Variants in SNX29 observed in about 807,000 individuals in gnomAD.
The protein encoded by SNX29 is sorting nexin-29.
A neutral mutation model predicts 102.1 loss-of-function variants in SNX29; 78 were observed. The ratio of observed to expected loss-of-function variants is 0.76; its 90% CI spans 0.64 to 0.92. SNX29 has a LOEUF of 0.92. Among genes scored for constraint, SNX29 ranks in the 40% least tolerant of loss-of-function variants. The pLI, the probability that SNX29 is intolerant of heterozygous loss-of-function variation, is 0.00. For missense variants in SNX29, 1,280 were observed against 1,061.7 expected (o/e 1.21, Z -2.86); for synonymous variants, 580 against 414.5 (o/e 1.40, Z -4.85).
At chr16:12,327,393 A>G (rs574983533) in intron 15 of SNX29, among the ~76,000 whole-genome samples, 2 of 151,892 alleles carry the variant, frequency 1.3e-5, no homozygotes, top group South Asian at 4.2e-4. Flanking sequence ...GTATCTTCTC[A>G]CCTTCCGGAG....
intron 11 of SNX29, among the ~76,000 whole-genome samples, chr16:12,083,026 G>A (rs1420087850): frequency 3.9e-5 from 6 of 151,986 alleles, no homozygotes; most frequent in African/African-American, 7.3e-5. Flanking sequence ...TTTCTCGGCC[G>A]GGCACGGTGG....
At chr16:12,309,480 AT>A (rs2080459883) in intron 15 of SNX29, among the ~76,000 whole-genome samples, 1 of 151,338 alleles carries the variant, frequency 6.6e-6, no homozygotes, top group South Asian at 2.1e-4. Flanking sequence ...CCTCTGTCTC[AT>A]TTTTCTTGGT....
In SNX29 at chr16:12,571,732, AG is replaced by A. The variant is rs1479324545; in HGVS notation, c.*3104del. 9 of 1,043,324 alleles carry A rather than the reference AG, an allele frequency of 8.6e-6. No homozygotes were observed. Among genetic ancestry groups the A allele is most frequent in the Non-Finnish European group, 8.1e-6 (7 of 860,520 alleles). The allele number at this position is 1,043,324 out of a possible 1,614,324, so 64.6% of individuals were successfully genotyped here. ...TAAGGGAGGGAGCTTAAAGGCTGCT[AG>A]AAACCTAGCCCAACCATCCACTCCT... On this transcript the variant is annotated 3_prime_UTR_variant, in exon 21 of 21. Transcript: ENST00000566228.
At chr16:12,153,031 C>G (rs915933841) in intron 13 of SNX29, among the ~76,000 whole-genome samples, 2 of 152,212 alleles carry the variant, frequency 1.3e-5, no homozygotes, top group East Asian at 1.9e-4. Context: ...GTCAGAGTGT[C>G]TCTGTAGTCG....
intron 16 of SNX29, chr16:12,375,346 T>C (rs2082833821): frequency 6.6e-6 from 1 of 152,242 alleles, no homozygotes; most frequent in African/African-American, 2.4e-5. Context: ...TTTCTCTGTG[T>C]AACAAATTGT....
At chr16:12,386,098 C>T (rs1333412234) in intron 16 of SNX29, among the ~76,000 whole-genome samples, 1 of 152,236 alleles carries the variant, frequency 6.6e-6, no homozygotes. Context: ...GACTCCAGGG[C>T]AGCAAAACAT....
chr16:12,496,924 G>A (rs942946237), intron 19 of SNX29, among the ~76,000 whole-genome samples: 1 of 152,128 alleles, frequency 6.6e-6, no homozygotes, highest in Non-Finnish European at 1.5e-5. Flanking sequence ...CATGGGTAAT[G>A]GACAGGTTCA....
intron 14 of SNX29, among the ~76,000 whole-genome samples, chr16:12,218,850 C>T (rs2077394928): frequency 6.6e-6 from 1 of 152,174 alleles, no homozygotes; most frequent in Non-Finnish European, 1.5e-5. Context: ...CCTCGGCTCA[C>T]TGCAAGCTCC....
intron 19 of SNX29, among the ~76,000 whole-genome samples, chr16:12,507,346 G>A (rs1237117105): frequency 6.6e-6 from 1 of 152,196 alleles, no homozygotes; most frequent in Non-Finnish European, 1.5e-5. Flanking sequence ...TGGCGTTGCT[G>A]GTATTTGTGT....
chr16:12,004,546 A>G (rs2056393027), intron 3 of SNX29, among the ~76,000 whole-genome samples: 1 of 152,086 alleles, frequency 6.6e-6, no homozygotes, highest in African/African-American at 2.4e-5. Context: ...CTGGGGTGGC[A>G]GGAGGGACAT....
chr16:12,248,841 T>C (rs1446984670), intron 14 of SNX29, among the ~76,000 whole-genome samples: 3 of 152,036 alleles, frequency 2.0e-5, no homozygotes, highest in Admixed American at 6.6e-5. Flanking sequence ...TCTTTTGGTC[T>C]GTCTGACTCC....
chr16:12,319,376 T>G (rs1399366614), intron 15 of SNX29, among the ~76,000 whole-genome samples: 1 of 152,072 alleles, frequency 6.6e-6, no homozygotes, highest in Non-Finnish European at 1.5e-5. Context: ...TACCTGTAGT[T>G]CCAGCTACTG....
At chr16:12,196,819 C>G (rs1338955295) in intron 13 of SNX29, among the ~76,000 whole-genome samples, 1 of 152,016 alleles carries the variant, frequency 6.6e-6, no homozygotes, top group East Asian at 1.9e-4. Flanking sequence ...CAGGGTTTCA[C>G]CATGTTGGCC....
intron 17 of SNX29, among the ~76,000 whole-genome samples, chr16:12,403,202 ATGTGTGTGTGTGTGTGTGTG>A (rs67193889): frequency 8.5e-5 from 6 of 70,946 alleles, no homozygotes; most frequent in South Asian, 3.7e-4. Context: ...TTGTGTGTGT[ATGTGTGTGTGTGTGTGTGTG>A]TGTGTGTGTG....
chr16:12,362,236 G>C (rs1308797469), intron 16 of SNX29, among the ~76,000 whole-genome samples: 4 of 152,136 alleles, frequency 2.6e-5, no homozygotes, highest in Non-Finnish European at 4.4e-5. Flanking sequence ...AGTAATGTTG[G>C]GATAGCATCC....
chr16:12,400,398 TACAACAACCTTCAGA>T (rs1223040255), intron 17 of SNX29, among the ~76,000 whole-genome samples: 1 of 152,240 alleles, frequency 6.6e-6, no homozygotes. Context: ...ACTCAGTCCC[TACAACAACCTTCAGA>T]GATGGGTGTC....
At chr16:12,538,033 C>A (rs2077155834) in intron 20 of SNX29, among the ~76,000 whole-genome samples, 1 of 151,948 alleles carries the variant, frequency 6.6e-6, no homozygotes, top group African/African-American at 2.4e-5. Flanking sequence ...CAAAATCGTC[C>A]TGTCCTGCTA....
chr16:12,327,836 A>G (rs1462960882), intron 15 of SNX29, among the ~76,000 whole-genome samples: 1 of 152,074 alleles, frequency 6.6e-6, no homozygotes, highest in Non-Finnish European at 1.5e-5. Flanking sequence ...CCATGAGGTG[A>G]CCATTTGGGA....
rs540512678 is a variant in SNX29 at position 12,553,558 on chromosome 16, C to G, written c.2319-14948C>G. Among the ~76,000 whole-genome samples the G allele has an allele frequency of 1.4e-4, 21 of 152,124 alleles. 2 individuals carry two copies. The highest frequency in any genetic ancestry group is 4.6e-4 in the African/African-American group (19 of 41,532). ...CCACAGAGCACTGCAGGGAGCTAAG[C>G]AGGAGCTGTGGGCTCTGAGGATGCT... On this transcript the variant is annotated intron_variant, in intron 20 of 20. Coordinates refer to ENST00000566228, the MANE Select transcript of SNX29 (RefSeq NM_032167.5).
Sources: allele counts gnomAD v4.1 joint callset (sites outside exome capture counted in the v4.1 genomes callset), GRCh38; gene constraint gnomAD v4.1.1; transcripts MANE v1.5; gene names NCBI Gene and HGNC (gene_info 2026-07-23, HGNC 2026-07-21).